TRPV3: variants seen among roughly 807,000 people sequenced by gnomAD.
TRPV3 encodes the protein VRL-3.
In TRPV3, 88 loss-of-function variants were observed where a neutral mutation model predicts 87.1. That is an observed-to-expected ratio of 1.01 (90% CI 0.85 to 1.21). The LOEUF (loss-of-function observed/expected upper bound fraction) is 1.21. Among genes scored for constraint, TRPV3 ranks in the 50% most tolerant of loss-of-function variants. The pLI is 0.00. For synonymous variants in TRPV3, 438 were observed against 423.3 expected (o/e 1.03, Z -0.43); for missense variants, 1,054 against 1,030.1 (o/e 1.02, Z -0.32).
At chr17:3,524,406 A>C in intron 12 of TRPV3, 43 bp from the exon 13 acceptor site, 1 of 1,608,480 alleles carries the variant, frequency 6.2e-7, no homozygotes, top group Non-Finnish European at 8.5e-7. Flanking sequence ...CTTACTTCTC[A>C]GCATCAGGGC....
In TRPV3 at chr17:3,518,552, G is replaced by A. The variant is rs768706163; in HGVS notation, c.2085+24C>T. On this transcript the variant is annotated intron_variant, in intron 15 of 17. Transcript: ENST00000576742. The surrounding 1 kb of genome is among the most constrained non-coding windows in gnomAD (Gnocchi z 4.3). ...AACTGAGTCCCGTGGAGGCCCCCAC[G>A]CTGGGGTCTCCACCTAGGCTCACCT... The A allele has an allele frequency of 1.2e-4, 178 of 1,538,876 alleles. No homozygotes were observed. The highest frequency in any genetic ancestry group is 1.4e-4 in the Non-Finnish European group (161 of 1,141,174).
intron 7 of TRPV3, among the ~76,000 whole-genome samples, chr17:3,534,058 C>T (rs2074376011): frequency 6.6e-6 from 1 of 152,098 alleles, no homozygotes; most frequent in East Asian, 1.9e-4. Context: ...ACACGACCAG[C>T]TCCGGACACC....
At chr17:3,517,688 T>C (rs934904035) in intron 15 of TRPV3, among the ~76,000 whole-genome samples, 2 of 151,868 alleles carry the variant, frequency 1.3e-5, no homozygotes, top group Non-Finnish European at 1.5e-5. Flanking sequence ...ATCAAAGCTT[T>C]TCTCCCTGTA....
Position 3,514,668 on chromosome 17 carries a change from T to C in TRPV3, c.2203A>G (p.Asn735Asp), listed in dbSNP as rs1345490599. Residue 735 changes from asparagine to aspartate, a missense_variant, in exon 17 of 18, where the codon AAT becomes GAT. By Grantham distance (23) the Asn-to-Asp change is conservative. Transcript: ENST00000576742. ...EDDFRLCLRI[N>D]EVKWTEWKTH... is the part of the protein sequence containing the mutation. ...TTCCATTCAGTCCACTTCACCTCAT[T>C]GATCCTGCAAATGTGATAATCATTC... is the stretch of plus-strand genomic sequence containing the variant. 1.7e-5 allele frequency: 28 copies of C among 1,612,560 alleles called. No homozygotes were observed. The highest frequency in any genetic ancestry group is 2.4e-5 in the Non-Finnish European group (28 of 1,178,686).
Position 3,542,540 on chromosome 17 carries a change from T to G in TRPV3, c.625A>C (p.Thr209Pro). Residue 209 changes from threonine to proline, a missense_variant, in exon 6 of 18, where the codon ACA becomes CCA. By Grantham distance (38) the Thr-to-Pro change is conservative (BLOSUM62 -1). Transcript: ENST00000576742. ...AGGATACCTTCATAGGCCTCCTCTG[T>G]GTACTCGGCGTTGATGAACCTGCCC... The part of the protein sequence containing the change: ...ILGRFINAEY[T>P]EEAYEGQTAL... 1 of 1,613,910 alleles carries G rather than the reference T, an allele frequency of 6.2e-7. No homozygotes were observed. Among genetic ancestry groups the G allele is most frequent in the Non-Finnish European group, 8.5e-7 (1 of 1,179,868 alleles).
intron 7 of TRPV3, among the ~76,000 whole-genome samples, chr17:3,534,962 G>A (rs569483130): frequency 9.2e-5 from 14 of 151,974 alleles, no homozygotes; most frequent in African/African-American, 2.9e-4. Flanking sequence ...TGACACCACC[G>A]GAACATGGAC....
At chr17:3,551,862 A>ATTTTTT (rs2074577692) in intron 2 of TRPV3, among the ~76,000 whole-genome samples, 1 of 78,176 alleles carries the variant, frequency 1.3e-5, no homozygotes, top group Non-Finnish European at 3.2e-5. Flanking sequence ...CTTCACCTGT[A>ATTTTTT]ATTTATTCTT....
At chr17:3,533,312 G>A (rs999446968) in intron 7 of TRPV3, among the ~76,000 whole-genome samples, 6 of 151,966 alleles carry the variant, frequency 3.9e-5, no homozygotes, top group South Asian at 2.1e-4. Context: ...CCTCCAACAC[G>A]CCGCCTGGGG....
At chr17:3,535,283 CT>C (rs1278059841) in intron 7 of TRPV3, among the ~76,000 whole-genome samples, 15 of 41,584 alleles carry the variant, frequency 3.6e-4, no homozygotes, top group African/African-American at 7.8e-4. Flanking sequence ...TCCCTCCTCC[CT>C]TCCTCCCTCC....
Position 3,525,164 on chromosome 17 carries a change from C to T in TRPV3, c.1578-801G>A, listed in dbSNP as rs1160690494. ...CCTCCCTAGTAGCTGGGATTACAGG[C>T]ACCCGCCACCACACCAGGCTCATTT... On this transcript the variant is annotated intron_variant, in intron 12 of 17. Coordinates refer to ENST00000576742, the MANE Select transcript of TRPV3 (RefSeq NM_145068.4). 7.3e-5 allele frequency among the ~76,000 whole-genome samples: 11 copies of T among 149,900 alleles called. 1 individual carries two copies. Among genetic ancestry groups the T allele is most frequent in the Admixed American group, 6.1e-4 (9 of 14,692 alleles).
intron 2 of TRPV3, among the ~76,000 whole-genome samples, chr17:3,550,308 T>G (rs2074561930): frequency 6.6e-6 from 1 of 151,692 alleles, no homozygotes. Context: ...CTCAAGGCCT[T>G]CTCCCAGAGT....
intron 2 of TRPV3, chr17:3,552,551 G>C (rs1026679300): frequency 3.9e-5 from 6 of 152,374 alleles, no homozygotes; most frequent in South Asian, 4.1e-4. Context: ...CAGCTCTGAG[G>C]GGGGTGCCCA....
Position 3,554,745 on chromosome 17 carries a change from G to A in TRPV3, c.106C>T (p.Pro36Ser), listed in dbSNP as rs758309963. 2.5e-6 allele frequency: 4 copies of A among 1,610,716 alleles called. No homozygotes were observed. The South Asian group carries it at 4.4e-5, about 18-fold the overall frequency. The change falls in exon 2 of 18, where the codon CCC becomes TCC. Residue 36 changes from proline to serine, a missense_variant. Coordinates refer to ENST00000576742, the MANE Select transcript of TRPV3 (RefSeq NM_145068.4). ...CTCCAAACCCACCTCTTCTTTGTGG[G>A]GGTGATCTCCGCCGGCCTCTTCTCT... ...LPEKRPAEIT[P>S]TKKSAHFFLE... is the part of the protein sequence containing the mutation.
Position 3,530,607 on chromosome 17 carries a change from A to G in TRPV3, c.1066-404T>C, listed in dbSNP as rs2074341129. 6.6e-6 allele frequency among the ~76,000 whole-genome samples: 1 copy of G among 152,060 alleles called. No individual in the cohort carries two copies. The highest frequency in any genetic ancestry group is 1.5e-5 in the Non-Finnish European group (1 of 67,998). Reference sequence around the variant, plus strand: ...GAAGTGTTCTCAGCGTCCCCAGCCCACCCTAAGCCAAGACTCCTCCAGCTG... The same window carrying G: ...GAAGTGTTCTCAGCGTCCCCAGCCCGCCCTAAGCCAAGACTCCTCCAGCTG... On this transcript the variant is annotated intron_variant, in intron 8 of 17. Coordinates refer to ENST00000576742, the MANE Select transcript of TRPV3 (RefSeq NM_145068.4). This position sits in a 1 kb window ranked among gnomAD's most constrained non-coding sequence, Gnocchi z 4.0.
chr17:3,541,322 C>A (rs995938019), intron 6 of TRPV3, among the ~76,000 whole-genome samples: 1 of 152,100 alleles, frequency 6.6e-6, no homozygotes, highest in African/African-American at 2.4e-5. Context: ...GAGCCAAGAT[C>A]GCGCCACTGC....
Position 3,543,482 on chromosome 17 carries a change from T to C in TRPV3, c.458A>G (p.Asp153Gly). 6.2e-7 allele frequency: 1 copy of C among 1,613,024 alleles called. No homozygotes were observed. The highest frequency in any genetic ancestry group is 1.1e-5 in the South Asian group (1 of 91,060). Residue 153 changes from aspartate to glycine, a missense_variant, in exon 5 of 18, where the codon GAT becomes GGT. Asp to Gly is a moderately conservative substitution (Grantham distance 94). Transcript: ENST00000576742. ...CAGGCTCAGACACTCACCAGGCACA[T>C]CCTCATCATGGCGCCGCCTGCAAAG... ...QELCRRRHDE[D>G]VPDFLMHKLT...
Position 3,512,087 on chromosome 17 carries a change from C to T in TRPV3, c.*1830G>A, listed in dbSNP as rs1302097564. 1 of 152,250 alleles carries T rather than the reference C, an allele frequency of 6.6e-6. No homozygotes were observed. Among genetic ancestry groups the T allele is most frequent in the Admixed American group, 6.5e-5 (1 of 15,284 alleles). The allele number at this position is 152,250 out of a possible 1,614,324, so 9.4% of individuals were successfully genotyped here. A position where few individuals can be genotyped will look rare whatever the true frequency, so the allele number is the denominator to read the frequency against. On this transcript the variant is annotated 3_prime_UTR_variant, in exon 18 of 18. Transcript: ENST00000576742. The stretch of plus-strand genomic sequence containing the variant: ...TCCTCATTAAGTGCGCAACCAGCTT[C>T]TGCTTAAACATCTCCAACATCTGGA...
intron 14 of TRPV3, among the ~76,000 whole-genome samples, chr17:3,519,395 G>GATT (rs2074212794): frequency 1.8e-5 from 2 of 110,702 alleles, no homozygotes; most frequent in Non-Finnish European, 3.7e-5. Flanking sequence ...ATTAGATGGA[G>GATT]GGATGGATGG....
In TRPV3 at chr17:3,512,616, G is replaced by C. The variant is rs2074128011; in HGVS notation, c.*1301C>G. ...ATCCTTTCACCAGATAACGGCGGCA[G>C]AGTGGATTTTCTGGTGGTTTCGGCC... On this transcript the variant is annotated 3_prime_UTR_variant, in exon 18 of 18. Coordinates refer to ENST00000576742, the MANE Select transcript of TRPV3 (RefSeq NM_145068.4). 6.6e-6 allele frequency: 1 copy of C among 152,048 alleles called. No homozygotes were observed. The highest frequency in any genetic ancestry group is 2.1e-4 in the South Asian group (1 of 4,812). The allele number at this position is 152,048 out of a possible 1,614,324, so 9.4% of individuals were successfully genotyped here. A position where few individuals can be genotyped will look rare whatever the true frequency, so the allele number is the denominator to read the frequency against.
Sources: allele counts gnomAD v4.1 joint callset (sites outside exome capture counted in the v4.1 genomes callset), GRCh38; gene constraint gnomAD v4.1.1; non-coding constraint Gnocchi (gnomAD v3.1); transcripts MANE v1.5; gene names NCBI Gene and HGNC (gene_info 2026-07-23, HGNC 2026-07-21).